Variants in ASAP2 observed in about 807,000 individuals in gnomAD.
ASAP2 encodes ArfGAP with SH3 domain, ankyrin repeat and PH domain 2.
In ASAP2, 45 loss-of-function variants were observed where a neutral mutation model predicts 131.4. The ratio of observed to expected loss-of-function variants is 0.34; its 90% CI spans 0.27 to 0.44. The LOEUF is 0.44. Ranked by LOEUF, ASAP2 falls within the 20% of genes least tolerant of loss-of-function variation. ASAP2 has a pLI of 1.00. For missense variants in ASAP2, 1,011 were observed against 1,297.0 expected, an observed-to-expected ratio of 0.78 and a Z score of 3.39; for synonymous variants, 510 against 503.0, an observed-to-expected ratio of 1.01 and a Z score of -0.19.
At chr2:9,369,263 C>G (rs539804511) in intron 16 of ASAP2, among the ~76,000 whole-genome samples, 1 of 152,338 alleles carries the variant, frequency 6.6e-6, no homozygotes, top group South Asian at 2.1e-4. Context: ...AGGTGATCCA[C>G]TCGCTGCAGC....
intron 24 of ASAP2, among the ~76,000 whole-genome samples, chr2:9,394,260 G>T (rs1274698478): frequency 1.3e-5 from 2 of 149,944 alleles, no homozygotes; most frequent in African/African-American, 4.9e-5. Flanking sequence ...TGCCTCCAGG[G>T]TTCTTGCCAT....
At chr2:9,395,604 T>C (rs1201332093) in intron 24 of ASAP2, among the ~76,000 whole-genome samples, 89 of 93,078 alleles carry the variant, frequency 9.6e-4, no homozygotes, top group South Asian at 3.7e-3. Context: ...CTTTTTTTTT[T>C]TTTTTTTTTT....
rs1395000363 is a variant in ASAP2, at chr2:9,401,256, T to C, written c.2824-18T>C. On this transcript the variant is annotated intron_variant, in intron 26 of 27. Coordinates refer to ENST00000281419, the MANE Select transcript of ASAP2 (RefSeq NM_003887.3). Reference sequence around the variant, plus strand: ...AGGCCTGCAGCCACACTAACCGTTGTTCCCTCTCCTGACCCAGACCAAGTT... The same window carrying C: ...AGGCCTGCAGCCACACTAACCGTTGCTCCCTCTCCTGACCCAGACCAAGTT... The C allele has an allele frequency of 6.2e-7, 1 of 1,612,766 alleles. No homozygotes were observed. Among genetic ancestry groups the C allele is most frequent in the East Asian group, 2.2e-5 (1 of 44,842 alleles).
At chr2:9,252,278 C>G (rs1664762675) in intron 1 of ASAP2, among the ~76,000 whole-genome samples, 1 of 152,188 alleles carries the variant, frequency 6.6e-6, no homozygotes, top group South Asian at 2.1e-4. Context: ...TAGGAAGAGT[C>G]ATTTTAAATA....
At chr2:9,334,116 G>A (rs1258864151) in intron 7 of ASAP2, among the ~76,000 whole-genome samples, 12 of 144,842 alleles carry the variant, frequency 8.3e-5, no homozygotes, top group African/African-American at 2.6e-4. Context: ...GCATGATCTC[G>A]GCTCACTGCA....
chr2:9,287,140 G>T (rs1388565675), intron 2 of ASAP2, among the ~76,000 whole-genome samples: 1 of 152,234 alleles, frequency 6.6e-6, no homozygotes. Context: ...GCTTCTGACT[G>T]CTGCGGCATG....
intron 1 of ASAP2, among the ~76,000 whole-genome samples, chr2:9,257,685 AT>A (rs1220558173): frequency 6.6e-6 from 1 of 151,960 alleles, no homozygotes; most frequent in Non-Finnish European, 1.5e-5. Context: ...TGCCCGGCTA[AT>A]TTTTTTGTAT....
chr2:9,369,373 G>C lies in ASAP2; in HGVS notation c.1556+854G>C, dbSNP rs1036373506. Among the ~76,000 whole-genome samples, 46 of 152,302 alleles carry C rather than the reference G, an allele frequency of 3.0e-4. 1 individual carries two copies. Among genetic ancestry groups the C allele is most frequent in the African/African-American group, 1.1e-3 (46 of 41,552 alleles). The stretch of plus-strand genomic sequence containing the variant: ...AGAGCTGACAACAGGGAATGTTCTT[G>C]CCCATCTTATCAGAGTGTCAGTGGC... On this transcript the variant is annotated intron_variant, in intron 16 of 27. Transcript: ENST00000281419.
rs1674009579 is a variant in ASAP2 at position 9,371,996 on chromosome 2, T to C, written c.1557-2759T>C. Among the ~76,000 whole-genome samples, 3 of 152,108 alleles carry C rather than the reference T, an allele frequency of 2.0e-5. No individual in the cohort carries two copies. In the South Asian group the frequency reaches 6.2e-4, roughly 32 times the overall value. ...ACCTCCTTCACAAAACCAGGGGGCA[T>C]GTGTGGAGTTAAACAGACCTGTGCC... On this transcript the variant is annotated intron_variant, in intron 16 of 27. Transcript: ENST00000281419.
intron 14 of ASAP2, among the ~76,000 whole-genome samples, chr2:9,356,832 A>G (rs893397135): frequency 1.3e-5 from 2 of 152,212 alleles, no homozygotes; most frequent in African/African-American, 2.4e-5. Context: ...GTGAAGGGAC[A>G]GGACCCTTTC....
chr2:9,344,574 C>T lies in ASAP2; in HGVS notation c.892C>T (p.Pro298Ser), dbSNP rs746342296. The T allele has an allele frequency of 1.2e-6, 2 of 1,614,158 alleles. No homozygotes were observed. The highest frequency in any genetic ancestry group is 2.2e-5 in the East Asian group (1 of 44,886). The change falls in exon 10 of 28, where the codon CCT becomes TCT. Residue 298 changes from proline to serine, a missense_variant. Transcript: ENST00000281419. ...RQSTAYSLHQ[P>S]QGNKEHGTER... ...GAGCACAGCTTATAGCTTACATCAG[C>T]CTCAGGGAAACAAGGAACATGGGAC...
chr2:9,259,077 G>A (rs1665390886), intron 1 of ASAP2, among the ~76,000 whole-genome samples: 1 of 152,236 alleles, frequency 6.6e-6, no homozygotes. Flanking sequence ...CTGGGCCGTG[G>A]TCCAGCCCGT....
In ASAP2 at chr2:9,305,356, G is replaced by A. The variant is rs1445963834; in HGVS notation, c.345+7911G>A. On this transcript the variant is annotated intron_variant, in intron 3 of 27. Transcript: ENST00000281419. Reference sequence around the variant, plus strand: ...CTGTAGTAGTGGGGTATAGATATTGGAGGGGCTGGAGCAGTGAGGTATAGA... The same window carrying A: ...CTGTAGTAGTGGGGTATAGATATTGAAGGGGCTGGAGCAGTGAGGTATAGA... Among the ~76,000 whole-genome samples the A allele has an allele frequency of 2.0e-5, 3 of 148,500 alleles. 1 individual carries two copies. The highest frequency in any genetic ancestry group is 1.5e-5 in the Non-Finnish European group (1 of 66,784).
intron 1 of ASAP2, among the ~76,000 whole-genome samples, chr2:9,231,768 C>G (rs1663182574): frequency 6.6e-6 from 1 of 152,178 alleles, no homozygotes; most frequent in African/African-American, 2.4e-5. Context: ...GGAGACTCTC[C>G]TCTCTGTGCC....
intron 1 of ASAP2, among the ~76,000 whole-genome samples, chr2:9,234,909 T>A (rs112420874): frequency 6.6e-6 from 1 of 152,268 alleles, no homozygotes; most frequent in South Asian, 2.1e-4. Flanking sequence ...AATACCCTAT[T>A]TTTCATGACT....
intron 2 of ASAP2, 126 bp from the exon 3 acceptor site, chr2:9,297,174 C>A: frequency 2.5e-6 from 3 of 1,182,500 alleles, no homozygotes; most frequent in Non-Finnish European, 3.5e-6. Context: ...GTTCCTGGTG[C>A]AGCTTGACTT....
At chr2:9,252,074 A>G (rs1281528042) in intron 1 of ASAP2, among the ~76,000 whole-genome samples, 1 of 152,204 alleles carries the variant, frequency 6.6e-6, no homozygotes, top group Non-Finnish European at 1.5e-5. Context: ...CCTCTGGGAA[A>G]TGCTGGAAGG....
Position 9,374,896 on chromosome 2 carries a change from T to C in ASAP2, c.1698T>C (p.Tyr566=), listed in dbSNP as rs1674272455. ...ATATTTTTGGATTGCTCCAAGCTTA[T>C]GCTGATGGTGTGGATCTTACGGAAA... ...TRDIFGLLQA[Y]ADGVDLTEKI... Residue 566 remains tyrosine, a synonymous_variant, in exon 17 of 28, where the codon TAT becomes TAC. Coordinates refer to ENST00000281419, the MANE Select transcript of ASAP2 (RefSeq NM_003887.3). 5.0e-6 allele frequency: 8 copies of C among 1,613,698 alleles called. No homozygotes were observed. In the East Asian group the frequency reaches 6.7e-5, roughly 13 times the overall value.
intron 1 of ASAP2, among the ~76,000 whole-genome samples, chr2:9,213,562 G>A (rs1245915716): frequency 6.6e-6 from 1 of 152,168 alleles, no homozygotes; most frequent in Non-Finnish European, 1.5e-5. Context: ...CCAGTTGTGG[G>A]GTGAGGGGCT....
Sources: gnomAD v4.1 joint callset for allele counts (sites outside exome capture counted in the v4.1 genomes callset) on GRCh38, gnomAD v4.1.1 for gene constraint, MANE v1.5 for transcripts, NCBI Gene and HGNC (gene_info 2026-07-23, HGNC 2026-07-21) for gene names.